CDC16: variants seen among roughly 807,000 people sequenced by gnomAD.
CDC16 encodes cell division cycle protein 16 homolog.
A neutral mutation model predicts 87.0 loss-of-function variants in CDC16; 34 were observed. The ratio of observed to expected loss-of-function variants is 0.39; its 90% CI spans 0.30 to 0.52. CDC16 has a LOEUF of 0.52. Among genes scored for constraint, CDC16 ranks in the 20% least tolerant of loss-of-function variants. CDC16 has a pLI of 0.74. For synonymous variants in CDC16, 263 were observed against 260.6 expected, an observed-to-expected ratio of 1.01 and a Z score of -0.09; for missense variants, 653 against 751.9, an observed-to-expected ratio of 0.87 and a Z score of 1.54.
Position 114,265,207 on chromosome 13 carries a change from G to A in CDC16, c.1570G>A (p.Glu524Lys). The A allele has an allele frequency of 6.2e-7, 1 of 1,610,482 alleles. No homozygotes were observed. The highest frequency in any genetic ancestry group is 8.5e-7 in the Non-Finnish European group (1 of 1,176,802). Reference protein sequence around the residue: ...FSVTMLGHCIEMYIGDSEAYI... With the variant: ...FSVTMLGHCIKMYIGDSEAYI... ...TGTTACAATGCTTGGTCATTGCATC[G>A]AAATGTACATTGGTGATTCTGAAGC... Residue 524 changes from glutamate (E) to lysine (K), a missense_variant, in exon 17 of 18, where the codon GAA (glutamate) becomes AAA (lysine). Glu to Lys is a moderately conservative substitution (Grantham distance 56). Transcript: ENST00000356221.
At chr13:114,262,047 C>T (rs1035577860) in intron 15 of CDC16, 99 bp downstream of exon 15, 4 of 636,030 alleles carry the variant, frequency 6.3e-6, no homozygotes, top group Non-Finnish European at 1.1e-5. Context: ...GATCAACCAG[C>T]TTTCTTGTAC....
At chr13:114,269,501 A>G (rs915306774) in intron 17 of CDC16, among the ~76,000 whole-genome samples, 3 of 152,134 alleles carry the variant, frequency 2.0e-5, no homozygotes, top group African/African-American at 7.2e-5. Flanking sequence ...GCCCAGTGGA[A>G]GCAAGTGCTT....
intron 1 of CDC16, 54 bp from the exon 2 acceptor site, chr13:114,236,591 A>G: frequency 6.7e-7 from 1 of 1,503,432 alleles, no homozygotes. Flanking sequence ...ATAACTGTTT[A>G]AGACTATTAA....
intron 12 of CDC16, among the ~76,000 whole-genome samples, chr13:114,251,491 G>A (rs182325471): frequency 6.3e-4 from 96 of 152,294 alleles, no homozygotes; most frequent in South Asian, 1.9e-3. Flanking sequence ...TGCAGGGGTG[G>A]AATCATATAT....
chr13:114,246,923 C>T lies in CDC16; in HGVS notation c.898-8C>T, dbSNP rs767026553. On this transcript the variant is annotated splice_polypyrimidine_tract_variant and splice_region_variant and intron_variant, in intron 10 of 17. Coordinates refer to ENST00000356221, the MANE Select transcript of CDC16 (RefSeq NM_001078645.3). ...ATCTTTGTTTATGGTAAATTTTGAA[C>T]TTTTTAGGTGTCTTGGTTTGCAGTG... 5.6e-6 allele frequency: 9 copies of T among 1,602,992 alleles called. No individual in the cohort carries two copies. In the South Asian group the frequency reaches 8.8e-5, roughly 16 times the overall value.
chr13:114,235,154 T>A, intron 1 of CDC16, 22 bp downstream of exon 1: 1 of 1,237,978 alleles, frequency 8.1e-7, no homozygotes, highest in Non-Finnish European at 1.0e-6. Context: ...CGACTCGGGG[T>A]GCGGGGCCCA....
At chr13:114,252,209 C>A (rs1381060385) in intron 12 of CDC16, among the ~76,000 whole-genome samples, 2 of 151,140 alleles carry the variant, frequency 1.3e-5, no homozygotes, top group Non-Finnish European at 2.9e-5. Context: ...GGATAAGAGC[C>A]CTACACTAGC....
At chr13:114,241,978 G>C (rs2081574842) in intron 5 of CDC16, 143 bp from the exon 6 acceptor site, 1 of 853,108 alleles carries the variant, frequency 1.2e-6, no homozygotes, top group East Asian at 2.6e-5. Flanking sequence ...TGAGATCATA[G>C]GAGTTCAAGG....
At chr13:114,250,146 C>G (rs770519876) in intron 11 of CDC16, among the ~76,000 whole-genome samples, 1 of 152,104 alleles carries the variant, frequency 6.6e-6, no homozygotes, top group African/African-American at 2.4e-5. Context: ...TATGATCATA[C>G]CACTGCATTC....
At position 114,259,522 on chromosome 13, in the gene CDC16, G is replaced by A. The variant is rs936827789; in HGVS notation, c.1314+124G>A. The A allele has an allele frequency of 1.1e-5, 6 of 545,844 alleles. No individual in the cohort carries two copies. The Admixed American group carries it at 1.2e-4, about 10-fold the overall frequency. The allele number at this position is 545,844 out of a possible 1,614,324, so 33.8% of individuals were successfully genotyped here. On this transcript the variant is annotated intron_variant, in intron 14 of 17. Coordinates refer to ENST00000356221, the MANE Select transcript of CDC16 (RefSeq NM_001078645.3). ...GTAACCTGATATTTTCATAACAAGC[G>A]GCTGTTAATGTTTGCATTGTCAGTT...
rs1225049670 is a variant in CDC16 at position 114,236,907 on chromosome 13, G to A, written c.201+11G>A. 6 of 1,539,252 alleles carry A rather than the reference G, an allele frequency of 3.9e-6. No homozygotes were observed. The highest frequency in any genetic ancestry group is 5.3e-6 in the Non-Finnish European group (6 of 1,132,588). Reference sequence around the variant, plus strand: ...CGAAAACTGGACAAAGTAAGTGATGGTATGAACTTTAAAGCTCTTCAGAGC... The same window carrying A: ...CGAAAACTGGACAAAGTAAGTGATGATATGAACTTTAAAGCTCTTCAGAGC... On this transcript the variant is annotated intron_variant, in intron 3 of 17. Coordinates refer to ENST00000356221, the MANE Select transcript of CDC16 (RefSeq NM_001078645.3).
intron 12 of CDC16, among the ~76,000 whole-genome samples, chr13:114,254,249 T>C (rs1463746278): frequency 6.6e-6 from 1 of 152,208 alleles, no homozygotes; most frequent in Non-Finnish European, 1.5e-5. Context: ...ACTAACAAGA[T>C]AGGATTTATG....
At chr13:114,240,570 A>G (rs2081495758) in intron 5 of CDC16, among the ~76,000 whole-genome samples, 1 of 152,026 alleles carries the variant, frequency 6.6e-6, no homozygotes, top group Admixed American at 6.5e-5. Context: ...GTTGCCCAGG[A>G]TGGTCTCAAA....
At chr13:114,264,977 AACCTCCATG>A (rs1208852320) in intron 16 of CDC16, 164 bp from the exon 17 acceptor site, 2 of 561,846 alleles carry the variant, frequency 3.6e-6, no homozygotes, top group East Asian at 6.0e-5. Flanking sequence ...TAGTGTGATG[AACCTCCATG>A]ACCCATAACC....
intron 1 of CDC16, 40 bp from the exon 2 acceptor site, chr13:114,236,605 A>T (rs766393307): frequency 2.5e-5 from 39 of 1,584,890 alleles, no homozygotes; most frequent in Non-Finnish European, 3.2e-5. Context: ...CTATTAAAAT[A>T]ACAGGGCAGT....
chr13:114,242,281 G>C lies in CDC16; in HGVS notation c.541+1G>C. On this transcript the variant is annotated splice_donor_variant, in intron 6 of 17. Transcript: ENST00000356221. LOFTEE classifies it high-confidence loss of function. ...CATCACATGCTGACAGCACAAGAAG[G>C]TTTGGAAACTCAGGCTTTTTTGTTT... is the stretch of plus-strand genomic sequence containing the variant. 6.3e-7 allele frequency: 1 copy of C among 1,598,708 alleles called. No homozygotes were observed. Among genetic ancestry groups the C allele is most frequent in the Non-Finnish European group, 8.5e-7 (1 of 1,176,008 alleles).
chr13:114,247,958 C>G (rs17338031), intron 11 of CDC16, among the ~76,000 whole-genome samples: 2 of 148,118 alleles, frequency 1.4e-5, no homozygotes, highest in Non-Finnish European at 3.1e-5. Flanking sequence ...TTCTCTCTTT[C>G]GCTTACAGAG....
intron 13 of CDC16, among the ~76,000 whole-genome samples, chr13:114,259,094 T>TA (rs5807005): frequency 0.028 from 3,174 of 111,394 alleles, 114 homozygotes; most frequent in Admixed American, 0.089. Context: ...GTGAGACTCT[T>TA]AAAAAAAAAA....
chr13:114,245,504 A>G (rs1224947225), intron 9 of CDC16, among the ~76,000 whole-genome samples: 2 of 152,222 alleles, frequency 1.3e-5, no homozygotes, highest in African/African-American at 4.8e-5. Flanking sequence ...TTCGTGGACC[A>G]GCAACATCGC....
Sources: allele counts gnomAD v4.1 joint callset (sites outside exome capture counted in the v4.1 genomes callset), GRCh38; gene constraint gnomAD v4.1.1; transcripts MANE v1.5; gene names NCBI Gene and HGNC (gene_info 2026-07-23, HGNC 2026-07-21).